CNN1: variants seen among roughly 807,000 people sequenced by gnomAD.
CNN1 encodes calponin 1.
Under a neutral mutation model 35.3 loss-of-function variants are expected in CNN1, and 21 were observed. The ratio of observed to expected loss-of-function variants is 0.60; its 90% CI spans 0.42 to 0.86. The LOEUF is 0.86. Among genes scored for constraint, CNN1 ranks in the 40% least tolerant of loss-of-function variants. CNN1 has a pLI of 0.00. For missense variants in CNN1, 314 were observed against 400.8 expected, an observed-to-expected ratio of 0.78 and a Z score of 1.85; for synonymous variants, 164 against 161.8, an observed-to-expected ratio of 1.01 and a Z score of -0.10.
At chr19:11,543,392 A>G (rs1007387298) in intron 2 of CNN1, among the ~76,000 whole-genome samples, 5 of 151,822 alleles carry the variant, frequency 3.3e-5, no homozygotes, top group Non-Finnish European at 2.9e-5. Context: ...TGGGTGCAGC[A>G]AACCAACATG....
chr19:11,540,263 GA>G (rs970639068), intron 1 of CNN1: 1 of 169,360 alleles, frequency 5.9e-6, no homozygotes, highest in Admixed American at 6.3e-5. Flanking sequence ...AGCCAGGAGC[GA>G]GATAAGACCT....
rs1387226178 is a variant in CNN1, at chr19:11,547,865, G to A, written c.459G>A (p.Glu153=). The A allele has an allele frequency of 6.2e-7, 1 of 1,614,054 alleles. No individual in the cohort carries two copies. Among genetic ancestry groups the A allele is most frequent in the African/African-American group, 1.3e-5 (1 of 75,048 alleles). The part of the protein sequence containing the change: ...KYAEKQERKF[E]PGKLREGRNI... The stretch of plus-strand genomic sequence containing the variant: ...CAGAGAAGCAGGAGCGGAAATTCGA[G>A]CCGGGGAAGCTAAGAGAAGGGCGGA... Residue 153 remains glutamate, a synonymous_variant, in exon 5 of 7, where the codon GAG becomes GAA. Coordinates refer to ENST00000252456, the MANE Select transcript of CNN1 (RefSeq NM_001299.6).
In CNN1 at chr19:11,546,845, G is replaced by A; in HGVS notation, c.266G>A (p.Gly89Asp). ...TQNWHQLENI[G>D]NFIKAITKYG... The stretch of plus-strand genomic sequence containing the variant: ...GCCCCCCTCTAGCTGGAGAACATCG[G>A]CAACTTCATCAAGGCCATCACCAAG... The change falls in exon 4 of 7, where the codon GGC becomes GAC. Residue 89 changes from glycine (G) to aspartate (D), a missense_variant. Transcript: ENST00000252456. 6.2e-7 allele frequency: 1 copy of A among 1,614,226 alleles called. No individual in the cohort carries two copies. Among genetic ancestry groups the A allele is most frequent in the South Asian group, 1.1e-5 (1 of 91,090 alleles).
intron 1 of CNN1, chr19:11,540,240 A>G (rs966000266): frequency 4.9e-6 from 1 of 206,036 alleles, no homozygotes; most frequent in African/African-American, 2.4e-5. Flanking sequence ...CTAGGGACAG[A>G]CGGGGGAGGG....
At position 11,546,906 on chromosome 19, in the gene CNN1, C is replaced by T. The variant is rs199636870; in HGVS notation, c.327C>T (p.Asn109=). 140 of 1,614,252 alleles carry T rather than the reference C, an allele frequency of 8.7e-5. 1 individual carries two copies. Among genetic ancestry groups the T allele is most frequent in the Non-Finnish European group, 1.0e-4 (118 of 1,180,048 alleles). The change falls in exon 4 of 7, where the codon AAC becomes AAT. Residue 109 remains asparagine (N), a synonymous_variant. Coordinates refer to ENST00000252456, the MANE Select transcript of CNN1 (RefSeq NM_001299.6). ...AGCCCCACGACATTTTTGAGGCCAACGACCTGTTTGAGAACACCAACCATA... is the reference window on the plus strand; with the variant it reads ...AGCCCCACGACATTTTTGAGGCCAATGACCTGTTTGAGAACACCAACCATA... The part of the protein sequence containing the change: ...GVKPHDIFEA[N]DLFENTNHTQ...
chr19:11,545,357 C>G (rs1012156614), intron 2 of CNN1, among the ~76,000 whole-genome samples: 2 of 151,198 alleles, frequency 1.3e-5, no homozygotes, highest in Non-Finnish European at 2.9e-5. Context: ...GTTTTCTGGA[C>G]TCATTAAAAG....
chr19:11,541,842 C>G (rs938121904), intron 2 of CNN1: 3 of 151,984 alleles, frequency 2.0e-5, no homozygotes, highest in African/African-American at 7.3e-5. Flanking sequence ...ATCCACCTAC[C>G]TCAGCCTCCC....
intron 4 of CNN1, 123 bp downstream of exon 4, chr19:11,547,092 G>GGA: frequency 2.7e-6 from 4 of 1,455,098 alleles, no homozygotes; most frequent in Non-Finnish European, 2.8e-6. Context: ...CGGGGAGCAG[G>GGA]TGCTGTCAAC....
chr19:11,548,852 A>C (rs1414097546), intron 5 of CNN1, among the ~76,000 whole-genome samples: 1 of 152,060 alleles, frequency 6.6e-6, no homozygotes, highest in Non-Finnish European at 1.5e-5. Context: ...AAATAAAATA[A>C]AACAAAAAAA....
At chr19:11,539,876 A>G in intron 1 of CNN1, 1 of 1,164,750 alleles carries the variant, frequency 8.6e-7, no homozygotes. Flanking sequence ...CCTCCCCCCC[A>G]GCGCCGGCCC....
At chr19:11,546,785 T>G (rs1213784156) in intron 3 of CNN1, 44 bp downstream of exon 3, 1 of 1,613,580 alleles carries the variant, frequency 6.2e-7, no homozygotes, top group Non-Finnish European at 8.5e-7. Flanking sequence ...CGCAAGCCCC[T>G]CAGACCTCCC....
intron 4 of CNN1, 99 bp downstream of exon 4, chr19:11,547,068 C>T (rs2145040967): frequency 7.1e-6 from 11 of 1,546,298 alleles, no homozygotes; most frequent in African/African-American, 1.4e-5. Flanking sequence ...GGTGGCGGAG[C>T]GGGGGGCAGG....
Position 11,549,901 on chromosome 19 carries a change from C to G in CNN1, c.*106C>G. 3.4e-6 allele frequency: 5 copies of G among 1,468,398 alleles called. No individual in the cohort carries two copies. Among genetic ancestry groups the G allele is most frequent in the Non-Finnish European group, 3.7e-6 (4 of 1,087,102 alleles). 91.0% of individuals were successfully genotyped at this position (1,468,398 alleles called of 1,614,324 possible). ...CCTCTCCCTGCATGGCATCCTCCAGCCCCTGTAGAACTCAACCTCTACAGG... is the reference window on the plus strand; with the variant it reads ...CCTCTCCCTGCATGGCATCCTCCAGGCCCTGTAGAACTCAACCTCTACAGG... On this transcript the variant is annotated 3_prime_UTR_variant, in exon 7 of 7. Coordinates refer to ENST00000252456, the MANE Select transcript of CNN1 (RefSeq NM_001299.6). The surrounding 1 kb of genome is among the most constrained non-coding windows in gnomAD (Gnocchi z 5.2).
In CNN1 at chr19:11,550,303, A is replaced by G. The variant is rs1972696482; in HGVS notation, c.*508A>G. On this transcript the variant is annotated 3_prime_UTR_variant, in exon 7 of 7. Coordinates refer to ENST00000252456, the MANE Select transcript of CNN1 (RefSeq NM_001299.6). ...TTTTTTTTCTATTTCACTGGAGCAC[A>G]ATAAATGGCTGTAAAATCTCCTGAG... The G allele has an allele frequency of 6.4e-6, 1 of 156,526 alleles. No individual in the cohort carries two copies. Among genetic ancestry groups the G allele is most frequent in the Admixed American group, 6.4e-5 (1 of 15,582 alleles). The allele number at this position is 156,526 out of a possible 1,614,324, so 9.7% of individuals were successfully genotyped here. A position where few individuals can be genotyped will look rare whatever the true frequency, so the allele number is the denominator to read the frequency against.
intron 5 of CNN1, among the ~76,000 whole-genome samples, chr19:11,548,742 C>A (rs949724075): frequency 6.6e-6 from 1 of 151,696 alleles, no homozygotes; most frequent in Non-Finnish European, 1.5e-5. Context: ...GAGGCTGAGG[C>A]AGGAGAATTG....
chr19:11,547,408 C>A (rs1341761409), intron 4 of CNN1, among the ~76,000 whole-genome samples: 23 of 142,010 alleles, frequency 1.6e-4, no homozygotes, highest in South Asian at 1.1e-3. Flanking sequence ...AAAAAAAAAA[C>A]AAAAAACAAA....
chr19:11,538,912 G>A lies in CNN1; in HGVS notation c.-16G>A. On this transcript the variant is annotated 5_prime_UTR_variant, in exon 1 of 7. Transcript: ENST00000252456. ...GTCAGTGCCGCCACTGCCCCCGCCA[G>A]AGCCCACCGGCCAGCATGTCCTCTG... The A allele has an allele frequency of 6.5e-7, 1 of 1,549,378 alleles. No individual in the cohort carries two copies. Among genetic ancestry groups the A allele is most frequent in the Non-Finnish European group, 8.7e-7 (1 of 1,145,726 alleles).
chr19:11,547,266 G>A (rs113122446), intron 4 of CNN1, among the ~76,000 whole-genome samples: 3,052 of 152,096 alleles, frequency 0.02, 60 homozygotes, highest in Admixed American at 0.051. Context: ...ACGTGGTGAC[G>A]CATGCCTGTA....
At position 11,538,982 on chromosome 19, in the gene CNN1, A is replaced by C; in HGVS notation, c.55A>C (p.Lys19Gln). Residue 19 changes from lysine to glutamine, a missense_variant, in exon 1 of 7, where the codon AAG (lysine) becomes CAG (glutamine). Lys to Gln is a moderately conservative substitution (Grantham distance 53, BLOSUM62 1). Transcript: ENST00000252456. ...GPAYGLSAEVKNKLAQKYDHQ... is the reference protein window; with the variant it reads ...GPAYGLSAEVQNKLAQKYDHQ... ...TGCCTACGGGCTGTCAGCCGAGGTT[A>C]AGAACAAGGTAGGGCTGGAGGGCCT... 6.3e-7 allele frequency: 1 copy of C among 1,596,388 alleles called. No individual in the cohort carries two copies. The highest frequency in any genetic ancestry group is 8.5e-7 in the Non-Finnish European group (1 of 1,169,978).
Sources: gnomAD v4.1 joint callset for allele counts (sites outside exome capture counted in the v4.1 genomes callset) on GRCh38, gnomAD v4.1.1 for gene constraint, Gnocchi (gnomAD v3.1) non-coding constraint, MANE v1.5 for transcripts, NCBI Gene and HGNC (gene_info 2026-07-23, HGNC 2026-07-21) for gene names.